The following SATB2 variants were observed in gnomAD, a reference collection of about 807,000 sequenced individuals.
SATB2 encodes the protein DNA-binding protein SATB2.
In SATB2, 1 loss-of-function variant was observed where a neutral mutation model predicts 73.4. The ratio of observed to expected loss-of-function variants is 0.01; its 90% CI spans 0.00 to 0.06. The LOEUF is 0.06. SATB2 is among the 10% of genes least tolerant of loss of function. The pLI is 1.00. For missense variants in SATB2, 459 were observed against 945.8 expected, an observed-to-expected ratio of 0.49 and a Z score of 6.75; for synonymous variants, 397 against 367.0, an observed-to-expected ratio of 1.08 and a Z score of -0.93.
intron 2 of SATB2, among the ~76,000 whole-genome samples, chr2:199,448,202 T>C (rs1692020174): frequency 6.6e-6 from 1 of 152,240 alleles, no homozygotes; most frequent in African/African-American, 2.4e-5. Flanking sequence ...CTATTAAATA[T>C]ATCAATTTTG....
chr2:199,467,906 G>A (rs1052034815), upstream of SATB2, among the ~76,000 whole-genome samples: 5 of 152,094 alleles, frequency 3.3e-5, no homozygotes, highest in Non-Finnish European at 7.3e-5. Context: ...AAACCCCTGC[G>A]ATTCTGGCCT....
intron 9 of SATB2, among the ~76,000 whole-genome samples, chr2:199,311,309 C>T (rs1038971196): frequency 1.3e-5 from 2 of 152,016 alleles, no homozygotes; most frequent in Non-Finnish European, 2.9e-5. Context: ...AATCTAGTTT[C>T]CCCACAAAGT....
At chr2:199,276,500 T>C (rs1465585449) in intron 10 of SATB2, among the ~76,000 whole-genome samples, 3 of 152,202 alleles carry the variant, frequency 2.0e-5, no homozygotes, top group African/African-American at 7.2e-5. Flanking sequence ...TGGAGAGACC[T>C]ATAAGCGGTT....
At chr2:199,298,892 A>C (rs1016517748) in intron 10 of SATB2, among the ~76,000 whole-genome samples, 48 of 152,208 alleles carry the variant, frequency 3.2e-4, no homozygotes, top group African/African-American at 1.1e-3. Flanking sequence ...TCTGGTAGAA[A>C]ATTGAAACAG....
At chr2:199,415,285 T>A (rs557057523) in intron 3 of SATB2, among the ~76,000 whole-genome samples, 1 of 152,280 alleles carries the variant, frequency 6.6e-6, no homozygotes, top group East Asian at 1.9e-4. Flanking sequence ...GTGGCCATGG[T>A]CTCAAAGAAA....
chr2:199,304,156 C>T (rs755464232), intron 10 of SATB2, among the ~76,000 whole-genome samples: 3 of 152,128 alleles, frequency 2.0e-5, no homozygotes, highest in Non-Finnish European at 2.9e-5. Context: ...CAAGGCTTGA[C>T]GTCTCTCTTC....
chr2:199,277,929 T>C (rs1399340704), intron 10 of SATB2, among the ~76,000 whole-genome samples: 2 of 152,192 alleles, frequency 1.3e-5, no homozygotes, highest in East Asian at 3.8e-4. Context: ...GTCAAGCATA[T>C]CTTATTCAAG....
intron 9 of SATB2, among the ~76,000 whole-genome samples, chr2:199,309,185 C>A (rs1257598165): frequency 6.6e-6 from 1 of 152,190 alleles, no homozygotes; most frequent in Non-Finnish European, 1.5e-5. Context: ...TATCACCCTG[C>A]CTATAGAATA....
intron 7 of SATB2, among the ~76,000 whole-genome samples, chr2:199,338,127 G>A (rs1402106259): frequency 6.6e-6 from 1 of 152,134 alleles, no homozygotes; most frequent in East Asian, 1.9e-4. Flanking sequence ...ACTTTAGGAG[G>A]CCGAGGCAGG....
At chr2:199,346,568 A>C (rs1688657352) in intron 7 of SATB2, among the ~76,000 whole-genome samples, 2 of 152,238 alleles carry the variant, frequency 1.3e-5, no homozygotes, top group Admixed American at 1.3e-4. Context: ...ACACTTTCGA[A>C]TAAAGAGAGA....
At chr2:199,425,982 C>A (rs1465516969) in intron 3 of SATB2, among the ~76,000 whole-genome samples, 1 of 152,088 alleles carries the variant, frequency 6.6e-6, no homozygotes, top group Non-Finnish European at 1.5e-5. Context: ...TTTTACATTG[C>A]GGCCTATCCA....
chr2:199,344,519 T>C (rs1453074408), intron 7 of SATB2, among the ~76,000 whole-genome samples: 1 of 152,178 alleles, frequency 6.6e-6, no homozygotes, highest in Non-Finnish European at 1.5e-5. Flanking sequence ...ACAGACTCTG[T>C]CAATATTAGA....
chr2:199,467,536 G>A (rs1296316287), upstream of SATB2: 2 of 152,316 alleles, frequency 1.3e-5, no homozygotes, highest in African/African-American at 4.8e-5. Flanking sequence ...TTCAATGAAA[G>A]GGGAAGAGGG....
chr2:199,341,615 C>T (rs1688508369), intron 7 of SATB2, among the ~76,000 whole-genome samples: 1 of 152,146 alleles, frequency 6.6e-6, no homozygotes, highest in Non-Finnish European at 1.5e-5. Flanking sequence ...CTATAGGGGG[C>T]ATAGGTTTTA....
At chr2:199,344,396 T>C (rs919418061) in intron 7 of SATB2, among the ~76,000 whole-genome samples, 1 of 152,166 alleles carries the variant, frequency 6.6e-6, no homozygotes, top group Non-Finnish European at 1.5e-5. Context: ...CAGACAACTA[T>C]GGACACACAA....
At chr2:199,421,716 A>G (rs1041337064) in intron 3 of SATB2, among the ~76,000 whole-genome samples, 10 of 152,208 alleles carry the variant, frequency 6.6e-5, no homozygotes, top group Non-Finnish European at 1.2e-4. Flanking sequence ...TATGAAATCA[A>G]TTAGCTAAAG....
intron 6 of SATB2, among the ~76,000 whole-genome samples, chr2:199,367,113 G>C (rs1159375731): frequency 6.6e-6 from 1 of 152,156 alleles, no homozygotes; most frequent in African/African-American, 2.4e-5. Flanking sequence ...TTCAGCCGAA[G>C]AGGATATGTC....
At chr2:199,409,155 CTTTTT>C in intron 3 of SATB2, among the ~76,000 whole-genome samples, 1 of 139,152 alleles carries the variant, frequency 7.2e-6, no homozygotes, top group East Asian at 2.1e-4. Context: ...CCAACATTTT[CTTTTT>C]TCTTTTCTTT....
intron 10 of SATB2, among the ~76,000 whole-genome samples, chr2:199,278,254 T>C (rs1692377434): frequency 6.6e-6 from 1 of 152,174 alleles, no homozygotes; most frequent in African/African-American, 2.4e-5. Flanking sequence ...GGCAAGAATA[T>C]ACTTGGTACA....
Sources: gnomAD v4.1 joint callset for allele counts (sites outside exome capture counted in the v4.1 genomes callset) on GRCh38, gnomAD v4.1.1 for gene constraint, MANE v1.5 for transcripts, NCBI Gene and HGNC (gene_info 2026-07-23, HGNC 2026-07-21) for gene names.